Variants in NKAIN2 observed in about 807,000 individuals in gnomAD.
NKAIN2 encodes sodium/potassium transporting ATPase interacting 2.
NKAIN2 carries 14 observed loss-of-function variants against 32.6 expected under a neutral mutation model. That is an observed-to-expected ratio of 0.43 (90% CI 0.28 to 0.67). The LOEUF (loss-of-function observed/expected upper bound fraction) is 0.67. NKAIN2 is among the 30% of genes least tolerant of loss of function. NKAIN2 has a pLI of 0.17. For synonymous variants in NKAIN2, 80 were observed against 87.2 expected (o/e 0.92, Z 0.46); for missense variants, 198 against 258.3 (o/e 0.77, Z 1.60).
chr6:123,902,786 G>A (rs1241884481), intron 1 of NKAIN2, among the ~76,000 whole-genome samples: 3 of 152,104 alleles, frequency 2.0e-5, no homozygotes, highest in African/African-American at 4.8e-5. Context: ...ATAAAAATAC[G>A]TGATAAACAA....
rs1562253451 is a variant in NKAIN2 at position 123,911,808 on chromosome 6, TATATAC to T, written c.54+107556_54+107561del. ...ATATATATATATATATATGTATATATATATACACACACACACACACACACACACACA... is the reference window on the plus strand; with the variant it reads ...ATATATATATATATATATGTATATATACACACACACACACACACACACACA... On this transcript the variant is annotated intron_variant, in intron 1 of 6. Transcript: ENST00000368417. Among the ~76,000 whole-genome samples the T allele has an allele frequency of 3.0e-5, 3 of 101,342 alleles. 1 individual carries two copies. The highest frequency in any genetic ancestry group is 5.0e-4 in the East Asian group (2 of 3,966). 66.5% of individuals were successfully genotyped at this position (101,342 alleles called of 152,430 possible). A position where few individuals can be genotyped will look rare whatever the true frequency, so the allele number is the denominator to read the frequency against.
intron 3 of NKAIN2, among the ~76,000 whole-genome samples, chr6:124,553,657 G>A (rs1028341307): frequency 3.3e-5 from 5 of 152,154 alleles, no homozygotes; most frequent in African/African-American, 4.8e-5. Context: ...ACAGAAACCC[G>A]AGGAAGTATT....
chr6:124,476,397 CTGTGTGTG>C (rs56691516), intron 3 of NKAIN2, among the ~76,000 whole-genome samples: 1,863 of 138,002 alleles, frequency 0.013, 13 homozygotes, highest in Middle Eastern at 0.019. Context: ...ATGTATGTGA[CTGTGTGTG>C]TGTGTGTGTG....
chr6:124,665,623 T>C (rs889449347), intron 4 of NKAIN2, among the ~76,000 whole-genome samples: 6 of 152,156 alleles, frequency 3.9e-5, no homozygotes, highest in African/African-American at 1.4e-4. Context: ...TGGTACACTT[T>C]TCAAATTTTT....
chr6:124,632,184 A>T (rs1783595654), intron 3 of NKAIN2, among the ~76,000 whole-genome samples: 1 of 152,206 alleles, frequency 6.6e-6, no homozygotes, highest in African/African-American at 2.4e-5. Context: ...AAAATTATTA[A>T]GGTAATTCTT....
chr6:124,660,022 A>C (rs374967733), intron 4 of NKAIN2, among the ~76,000 whole-genome samples: 1 of 152,296 alleles, frequency 6.6e-6, no homozygotes, highest in Admixed American at 6.5e-5. Context: ...AAAATAAGTT[A>C]GACTTGACAG....
At chr6:124,323,465 T>C (rs941868146) in intron 2 of NKAIN2, among the ~76,000 whole-genome samples, 22 of 152,216 alleles carry the variant, frequency 1.4e-4, no homozygotes, top group African/African-American at 5.1e-4. Context: ...GAATTAATTT[T>C]TGCATAAGAT....
intron 3 of NKAIN2, among the ~76,000 whole-genome samples, chr6:124,541,946 T>C (rs1323355707): frequency 6.6e-6 from 1 of 152,154 alleles, no homozygotes; most frequent in African/African-American, 2.4e-5. Flanking sequence ...TATATGCCTA[T>C]TTTTATTGGT....
chr6:124,173,547 G>A (rs755012527), intron 1 of NKAIN2, among the ~76,000 whole-genome samples: 30 of 152,078 alleles, frequency 2.0e-4, no homozygotes, highest in Non-Finnish European at 4.0e-4. Context: ...ATATTAATAG[G>A]CCCTTTGAAG....
intron 3 of NKAIN2, among the ~76,000 whole-genome samples, chr6:124,403,578 T>A (rs1043382100): frequency 6.6e-6 from 1 of 152,188 alleles, no homozygotes; most frequent in Non-Finnish European, 1.5e-5. Context: ...TTCTGAGCAA[T>A]TTTTTATTCA....
chr6:123,883,060 T>C (rs550197926), intron 1 of NKAIN2, among the ~76,000 whole-genome samples: 1 of 152,246 alleles, frequency 6.6e-6, no homozygotes, highest in South Asian at 2.1e-4. Context: ...CAAATTGTAA[T>C]CCCCAGTGTT....
chr6:124,190,429 T>G (rs1236436262), intron 1 of NKAIN2, among the ~76,000 whole-genome samples: 1 of 152,222 alleles, frequency 6.6e-6, no homozygotes, highest in African/African-American at 2.4e-5. Flanking sequence ...CTCAGTCTTC[T>G]GGAGACTTAT....
intron 1 of NKAIN2, among the ~76,000 whole-genome samples, chr6:124,097,089 A>G (rs1057425375): frequency 6.6e-6 from 1 of 152,174 alleles, no homozygotes; most frequent in Non-Finnish European, 1.5e-5. Context: ...AATCAAGGAA[A>G]ACACAGGAAT....
intron 1 of NKAIN2, among the ~76,000 whole-genome samples, chr6:124,057,947 A>G (rs1009513890): frequency 6.6e-6 from 1 of 152,060 alleles, no homozygotes; most frequent in Non-Finnish European, 1.5e-5. Flanking sequence ...TATAAGGAAA[A>G]AGAAAATTAG....
At chr6:124,415,417 A>G (rs1316780582) in intron 3 of NKAIN2, among the ~76,000 whole-genome samples, 2 of 152,190 alleles carry the variant, frequency 1.3e-5, no homozygotes, top group Non-Finnish European at 2.9e-5. Flanking sequence ...GGCATGGGGG[A>G]TGGAGTGTGG....
At chr6:124,415,865 C>CT (rs1774441231) in intron 3 of NKAIN2, among the ~76,000 whole-genome samples, 2 of 79,022 alleles carry the variant, frequency 2.5e-5, no homozygotes, top group Non-Finnish European at 2.8e-5. Flanking sequence ...TTTTAATTTG[C>CT]TTTTTTTATT....
chr6:123,905,198 C>G (rs905183088), intron 1 of NKAIN2, among the ~76,000 whole-genome samples: 5 of 152,150 alleles, frequency 3.3e-5, no homozygotes, highest in African/African-American at 1.2e-4. Flanking sequence ...AGACATGATA[C>G]TCCTAGATCA....
intron 1 of NKAIN2, among the ~76,000 whole-genome samples, chr6:123,941,322 T>TATAATAAA (rs1776811680): frequency 6.6e-6 from 1 of 151,886 alleles, no homozygotes; most frequent in Non-Finnish European, 1.5e-5. Flanking sequence ...TTACAATAAA[T>TATAATAAA]TATATTATAA....
At chr6:124,164,503 C>T (rs1788434455) in intron 1 of NKAIN2, among the ~76,000 whole-genome samples, 1 of 151,950 alleles carries the variant, frequency 6.6e-6, no homozygotes, top group Non-Finnish European at 1.5e-5. Flanking sequence ...AAAGCAAGTA[C>T]CATGGGGAAA....
Sources: gnomAD v4.1 joint callset for allele counts (sites outside exome capture counted in the v4.1 genomes callset) on GRCh38, gnomAD v4.1.1 for gene constraint, MANE v1.5 for transcripts, NCBI Gene and HGNC (gene_info 2026-07-23, HGNC 2026-07-21) for gene names.